Variants in PRRX2 observed in about 807,000 individuals in gnomAD.
The protein encoded by PRRX2 is paired related homeobox 2, also known as paired mesoderm homeobox protein 2.
Under a neutral mutation model 18.0 loss-of-function variants are expected in PRRX2, and 11 were observed. The observed-to-expected ratio is 0.61, with a 90% CI of 0.39 to 1.01. The LOEUF is 1.01. Ranked by LOEUF, PRRX2 falls within the 50% of genes least tolerant of loss-of-function variation. PRRX2 has a pLI of 0.01. For missense variants in PRRX2, 387 were observed against 351.0 expected (o/e 1.10, Z -0.82); for synonymous variants, 177 against 154.8 (o/e 1.14, Z -1.06).
chr9:129,674,266 G>C (rs1442643630), intron 1 of PRRX2, among the ~76,000 whole-genome samples: 1 of 152,198 alleles, frequency 6.6e-6, no homozygotes, highest in African/African-American at 2.4e-5. Context: ...GACAGAATGG[G>C]TCCCCATGGC....
intron 1 of PRRX2, among the ~76,000 whole-genome samples, chr9:129,676,911 C>T (rs891078715): frequency 6.6e-6 from 1 of 152,216 alleles, no homozygotes; most frequent in African/African-American, 2.4e-5. Context: ...GGAAGAAAGA[C>T]AAATGGGCAT....
At chr9:129,720,330 G>A (rs949714731) in intron 2 of PRRX2, among the ~76,000 whole-genome samples, 1 of 151,514 alleles carries the variant, frequency 6.6e-6, no homozygotes, top group Admixed American at 6.6e-5. Context: ...CAAGCACCTC[G>A]CTCCCAGTGG....
At position 129,697,938 on chromosome 9, in the gene PRRX2, G is replaced by A. The variant is rs1255979243; in HGVS notation, c.260-21293G>A. On this transcript the variant is annotated intron_variant, in intron 1 of 3. Transcript: ENST00000372469. ...GCATGCGAGAAACGCCAAAATGTGG[G>A]TGGGGGAGGGGAGCGTGGAGGTTGG... Among the ~76,000 whole-genome samples the A allele has an allele frequency of 1.3e-5, 2 of 152,104 alleles. 1 individual carries two copies. Among genetic ancestry groups the A allele is most frequent in the African/African-American group, 4.8e-5 (2 of 41,440 alleles).
At chr9:129,712,551 G>C (rs1832638740) in intron 1 of PRRX2, among the ~76,000 whole-genome samples, 1 of 152,178 alleles carries the variant, frequency 6.6e-6, no homozygotes, top group Non-Finnish European at 1.5e-5. Context: ...TAAATGGTAC[G>C]TGTGAAATAA....
intron 1 of PRRX2, among the ~76,000 whole-genome samples, chr9:129,678,170 G>T (rs1832184858): frequency 6.6e-6 from 1 of 151,930 alleles, no homozygotes; most frequent in East Asian, 1.9e-4. Context: ...TGTCACGTTG[G>T]CCAGGCTGGT....
At chr9:129,702,376 C>T (rs1472771065) in intron 1 of PRRX2, among the ~76,000 whole-genome samples, 2 of 149,924 alleles carry the variant, frequency 1.3e-5, no homozygotes, top group South Asian at 2.1e-4. Context: ...CCAGCCTGGG[C>T]GACAGAGCGA....
intron 1 of PRRX2, among the ~76,000 whole-genome samples, chr9:129,674,573 C>T (rs1351630779): frequency 6.6e-6 from 1 of 152,098 alleles, no homozygotes. Flanking sequence ...GAAGGAGGCC[C>T]AGGCTGTGAG....
intron 2 of PRRX2, among the ~76,000 whole-genome samples, chr9:129,720,254 C>T (rs547464320): frequency 1.4e-5 from 2 of 147,190 alleles, no homozygotes; most frequent in Admixed American, 1.4e-4. Context: ...GCCTCTCCCC[C>T]CGAGTGCTCA....
At position 129,665,780 on chromosome 9, in the gene PRRX2, C is replaced by T. The variant is rs1832010508; in HGVS notation, c.-88C>T. 1.1e-6 allele frequency: 1 copy of T among 934,036 alleles called. No homozygotes were observed. The highest frequency in any genetic ancestry group is 1.3e-6 in the Non-Finnish European group (1 of 778,348). The allele number at this position is 934,036 out of a possible 1,614,324, so 57.9% of individuals were successfully genotyped here. A position where few individuals can be genotyped will look rare whatever the true frequency, so the allele number is the denominator to read the frequency against. ...GGAGCTGGGCAGAGCGCGGGGCGGC[C>T]GGGGCTCTCGCTCCGACCCGCGCCC... is the stretch of plus-strand genomic sequence containing the variant. On this transcript the variant is annotated 5_prime_UTR_variant, in exon 1 of 4. Transcript: ENST00000372469. The surrounding 1 kb of genome is among the most constrained non-coding windows in gnomAD (Gnocchi z 5.3).
chr9:129,691,109 G>A (rs1474237063), intron 1 of PRRX2, among the ~76,000 whole-genome samples: 2 of 150,582 alleles, frequency 1.3e-5, no homozygotes, highest in Admixed American at 6.6e-5. Context: ...TGGATCACTT[G>A]AGGTCAGGAG....
In PRRX2 at chr9:129,687,681, A is replaced by G. The variant is rs115756424; in HGVS notation, c.259+21555A>G. ...TTGATCGCTGCGCCAACTCCGTGGA[A>G]TTCTAGCAGCCTGGTTGGTGTGGGA... On this transcript the variant is annotated intron_variant, in intron 1 of 3. Transcript: ENST00000372469. Among the ~76,000 whole-genome samples, 201 of 152,312 alleles carry G rather than the reference A, an allele frequency of 1.3e-3. 1 individual carries two copies. The highest frequency in any genetic ancestry group is 4.6e-3 in the African/African-American group (191 of 41,578).
intron 1 of PRRX2, among the ~76,000 whole-genome samples, chr9:129,691,581 C>A (rs1357126250): frequency 6.6e-6 from 1 of 151,994 alleles, no homozygotes; most frequent in Non-Finnish European, 1.5e-5. Flanking sequence ...AGTATTTATA[C>A]CCCAGAAATT....
Position 129,719,435 on chromosome 9 carries a change from G to A in PRRX2, c.447+17G>A, listed in dbSNP as rs758626440. On this transcript the variant is annotated intron_variant, in intron 2 of 3. Transcript: ENST00000372469. Reference sequence around the variant, plus strand: ...CGCGTTCAGGTGAGCGCTCAGTCCCGGGCCTCCCGTGGGAGCGTGCGCGTG... The same window carrying A: ...CGCGTTCAGGTGAGCGCTCAGTCCCAGGCCTCCCGTGGGAGCGTGCGCGTG... 1.3e-6 allele frequency: 2 copies of A among 1,498,286 alleles called. No individual in the cohort carries two copies. Among genetic ancestry groups the A allele is most frequent in the South Asian group, 1.3e-5 (1 of 79,166 alleles). The allele number at this position is 1,498,286 out of a possible 1,614,324, so 92.8% of individuals were successfully genotyped here.
At chr9:129,710,134 A>G (rs1296486212) in intron 1 of PRRX2, among the ~76,000 whole-genome samples, 2 of 152,160 alleles carry the variant, frequency 1.3e-5, no homozygotes, top group Non-Finnish European at 2.9e-5. Context: ...CTGAGACCTG[A>G]AAGTGAGCAA....
In PRRX2 at chr9:129,694,656, TG is replaced by T. The variant is rs1832398846; in HGVS notation, c.260-24573del. 3.3e-5 allele frequency among the ~76,000 whole-genome samples: 5 copies of T among 152,332 alleles called. No individual in the cohort carries two copies. The South Asian group carries it at 8.3e-4, about 25-fold the overall frequency. On this transcript the variant is annotated intron_variant, in intron 1 of 3. Coordinates refer to ENST00000372469, the MANE Select transcript of PRRX2 (RefSeq NM_016307.4). The stretch of plus-strand genomic sequence containing the variant: ...GATGAGTCCCAGTTCTTCCACCAAC[TG>T]GCTGTGTGGCCTTAGAGAAGTCACT...
rs567572265 is a variant in PRRX2 at position 129,720,681 on chromosome 9, A to G, written c.533A>G (p.Tyr178Cys). 6 of 1,613,342 alleles carry G rather than the reference A, an allele frequency of 3.7e-6. No individual in the cohort carries two copies. The highest frequency in any genetic ancestry group is 2.7e-5 in the African/African-American group (2 of 75,036). ...ASRSASLLKSYSQEAAIEQPV... is the reference protein window; with the variant it reads ...ASRSASLLKSCSQEAAIEQPV... Reference sequence around the variant, plus strand: ...CGCTCTGCCTCGCTGCTCAAGTCCTACAGCCAGGAGGCCGCCATCGAGCAG... The same window carrying G: ...CGCTCTGCCTCGCTGCTCAAGTCCTGCAGCCAGGAGGCCGCCATCGAGCAG... Residue 178 changes from tyrosine to cysteine, a missense_variant, in exon 3 of 4, where the codon TAC becomes TGC. Coordinates refer to ENST00000372469, the MANE Select transcript of PRRX2 (RefSeq NM_016307.4).
At chr9:129,700,140 A>T (rs981374353) in intron 1 of PRRX2, among the ~76,000 whole-genome samples, 1 of 152,150 alleles carries the variant, frequency 6.6e-6, no homozygotes, top group Non-Finnish European at 1.5e-5. Context: ...ATATTCTTTC[A>T]TTTAATTTTC....
rs1242594060 is a variant in PRRX2 at position 129,715,772 on chromosome 9, A to T, written c.260-3459A>T. Among the ~76,000 whole-genome samples, 5 of 151,648 alleles carry T rather than the reference A, an allele frequency of 3.3e-5. No homozygotes were observed. In the South Asian group the frequency reaches 6.3e-4, roughly 19 times the overall value. On this transcript the variant is annotated intron_variant, in intron 1 of 3. Coordinates refer to ENST00000372469, the MANE Select transcript of PRRX2 (RefSeq NM_016307.4). The surrounding 1 kb of genome is among the most constrained non-coding windows in gnomAD (Gnocchi z 4.0). Reference sequence around the variant, plus strand: ...TTCTCACACACACACACACACACACACACACACACACACACACACACTCAT... The same window carrying T: ...TTCTCACACACACACACACACACACTCACACACACACACACACACACTCAT...
chr9:129,701,260 C>T (rs781725922), intron 1 of PRRX2, among the ~76,000 whole-genome samples: 4 of 152,204 alleles, frequency 2.6e-5, no homozygotes, highest in Non-Finnish European at 5.9e-5. Flanking sequence ...GTGTGTCGCT[C>T]ACAGCGGGAA....
Sources: allele counts gnomAD v4.1 joint callset (sites outside exome capture counted in the v4.1 genomes callset), GRCh38; gene constraint gnomAD v4.1.1; non-coding constraint Gnocchi (gnomAD v3.1); transcripts MANE v1.5; gene names NCBI Gene and HGNC (gene_info 2026-07-23, HGNC 2026-07-21).